RIMS1: variants seen among roughly 807,000 people sequenced by gnomAD.
The protein encoded by RIMS1 is regulating synaptic membrane exocytosis protein 1.
A neutral mutation model predicts 214.1 loss-of-function variants in RIMS1; 83 were observed. The ratio of observed to expected loss-of-function variants is 0.39; its 90% CI spans 0.32 to 0.47. RIMS1 has a LOEUF of 0.47. Among genes scored for constraint, RIMS1 ranks in the 20% least tolerant of loss-of-function variants. The pLI is 0.99. For missense variants in RIMS1, 2,050 were observed against 2,161.8 expected, an observed-to-expected ratio of 0.95 and a Z score of 1.03; for synonymous variants, 793 against 786.8, an observed-to-expected ratio of 1.01 and a Z score of -0.13.
intron 28 of RIMS1, chr6:72,316,966 G>A (rs1563969885): frequency 1.3e-5 from 8 of 612,162 alleles, no homozygotes; most frequent in Non-Finnish European, 2.2e-5. Flanking sequence ...AGGCTCTGTG[G>A]AGAGGGTCGA....
At chr6:72,149,110 G>A (rs2153897586) in intron 4 of RIMS1, among the ~76,000 whole-genome samples, 2 of 152,124 alleles carry the variant, frequency 1.3e-5, no homozygotes, top group Middle Eastern at 3.4e-3. Context: ...AAAGCCTCTT[G>A]TTCTATGCAA....
At chr6:72,047,402 T>C (rs1181997649) in intron 2 of RIMS1, among the ~76,000 whole-genome samples, 1 of 152,158 alleles carries the variant, frequency 6.6e-6, no homozygotes, top group Non-Finnish European at 1.5e-5. Context: ...GCTGGAGTAA[T>C]TCTAGAAATG....
intron 1 of RIMS1, among the ~76,000 whole-genome samples, chr6:71,943,281 C>T (rs1323469746): frequency 1.3e-5 from 2 of 152,138 alleles, no homozygotes; most frequent in South Asian, 4.1e-4. Context: ...ACCCATTATA[C>T]TGGTGATCAA....
At chr6:72,037,857 G>T (rs1164510198) in intron 2 of RIMS1, among the ~76,000 whole-genome samples, 1 of 151,468 alleles carries the variant, frequency 6.6e-6, no homozygotes, top group African/African-American at 2.4e-5. Flanking sequence ...AAATGAAGCT[G>T]TTTCTGTGTA....
At chr6:72,109,451 G>C (rs1258402885) in intron 4 of RIMS1, among the ~76,000 whole-genome samples, 1 of 152,152 alleles carries the variant, frequency 6.6e-6, no homozygotes, top group Middle Eastern at 3.2e-3. Flanking sequence ...CTGATGGCCA[G>C]TGATGGTGGG....
intron 2 of RIMS1, among the ~76,000 whole-genome samples, chr6:72,023,829 TAG>T (rs1217818168): frequency 1.2e-4 from 18 of 152,184 alleles, no homozygotes; most frequent in Admixed American, 4.6e-4. Context: ...TATTAACTCA[TAG>T]AGATATTTAA....
chr6:72,359,125 A>G (rs913413928), intron 29 of RIMS1, among the ~76,000 whole-genome samples: 1 of 152,222 alleles, frequency 6.6e-6, no homozygotes, highest in South Asian at 2.1e-4. Context: ...AGGCCAAAGA[A>G]AGAGGCTAAC....
intron 28 of RIMS1, among the ~76,000 whole-genome samples, chr6:72,315,746 C>T (rs887722885): frequency 7.9e-5 from 12 of 151,986 alleles, no homozygotes; most frequent in African/African-American, 2.7e-4. Context: ...TTGCTTCCCT[C>T]GTCAATCCTG....
intron 27 of RIMS1, among the ~76,000 whole-genome samples, chr6:72,309,207 A>G (rs2095389125): frequency 6.6e-6 from 1 of 152,096 alleles, no homozygotes; most frequent in Non-Finnish European, 1.5e-5. Flanking sequence ...AGTCGATCCA[A>G]AAAATCGACA....
intron 2 of RIMS1, among the ~76,000 whole-genome samples, chr6:71,978,374 G>C (rs1208135901): frequency 6.6e-6 from 1 of 151,938 alleles, no homozygotes; most frequent in Non-Finnish European, 1.5e-5. Flanking sequence ...AAAATTGAAA[G>C]ACTGCTAGAT....
At chr6:71,986,683 T>A (rs189094957) in intron 2 of RIMS1, among the ~76,000 whole-genome samples, 3 of 152,228 alleles carry the variant, frequency 2.0e-5, no homozygotes, top group Admixed American at 6.5e-5. Flanking sequence ...GCAGTAGAAA[T>A]AATTGAGGGA....
chr6:72,061,995 A>G (rs1827990637), intron 2 of RIMS1, among the ~76,000 whole-genome samples: 1 of 152,242 alleles, frequency 6.6e-6, no homozygotes, highest in Admixed American at 6.5e-5. Flanking sequence ...TACTCACGGT[A>G]GAAAAGAAAC....
At chr6:72,312,984 C>T (rs983241337) in intron 27 of RIMS1, among the ~76,000 whole-genome samples, 13 of 152,048 alleles carry the variant, frequency 8.5e-5, no homozygotes, top group African/African-American at 3.1e-4. Context: ...TATATATTTT[C>T]CAGTTGAGCA....
chr6:72,121,058 T>A (rs940099966), intron 4 of RIMS1, among the ~76,000 whole-genome samples: 3 of 151,924 alleles, frequency 2.0e-5, no homozygotes, highest in Non-Finnish European at 2.9e-5. Context: ...TACTGTAGCC[T>A]TGTAGTATAG....
At chr6:72,318,062 C>G (rs1380366648) in intron 28 of RIMS1, among the ~76,000 whole-genome samples, 1 of 152,118 alleles carries the variant, frequency 6.6e-6, no homozygotes, top group African/African-American at 2.4e-5. Flanking sequence ...AGTGTTCAAT[C>G]TAACTATTCA....
chr6:72,262,117 A>T (rs1410292119), intron 19 of RIMS1: 13 of 984,686 alleles, frequency 1.3e-5, no homozygotes, highest in Non-Finnish European at 1.6e-5. Context: ...TGTGCCTGGC[A>T]CTCAGTGTGT....
chr6:72,163,028 T>G lies in RIMS1; in HGVS notation c.472-16547T>G, dbSNP rs941492574. On this transcript the variant is annotated intron_variant, in intron 4 of 33. Coordinates refer to ENST00000521978, the MANE Select transcript of RIMS1 (RefSeq NM_014989.7). ...TCCCCGTGACTTTCAGGTATACCTA[T>G]CAGATGTAGATTTGGTCTTTTCACA... Among the ~76,000 whole-genome samples, 4 of 131,922 alleles carry G rather than the reference T, an allele frequency of 3.0e-5. 1 individual carries two copies. Among genetic ancestry groups the G allele is most frequent in the Non-Finnish European group, 7.1e-5 (4 of 56,358 alleles). 86.5% of individuals were successfully genotyped at this position (131,922 alleles called of 152,430 possible). A position where few individuals can be genotyped will look rare whatever the true frequency, so the allele number is the denominator to read the frequency against.
chr6:72,196,151 A>T (rs908532021), intron 6 of RIMS1, among the ~76,000 whole-genome samples: 4 of 152,156 alleles, frequency 2.6e-5, no homozygotes, highest in African/African-American at 9.7e-5. Context: ...GGAGCAAAGA[A>T]TTCATTTTGT....
chr6:72,382,802 T>G (rs558377461), intron 29 of RIMS1, among the ~76,000 whole-genome samples: 8 of 152,286 alleles, frequency 5.3e-5, no homozygotes, highest in Middle Eastern at 3.4e-3. Context: ...AATACAACTA[T>G]ACAATTCCCT....
Sources: gnomAD v4.1 joint callset for allele counts (sites outside exome capture counted in the v4.1 genomes callset) on GRCh38, gnomAD v4.1.1 for gene constraint, MANE v1.5 for transcripts, NCBI Gene and HGNC (gene_info 2026-07-23, HGNC 2026-07-21) for gene names.